Variants in PTPRD observed in about 807,000 individuals in gnomAD.
PTPRD encodes the protein receptor-type tyrosine-protein phosphatase delta.
In PTPRD, 34 loss-of-function variants were observed where a neutral mutation model predicts 214.5. The ratio of observed to expected loss-of-function variants is 0.16; its 90% CI spans 0.12 to 0.21. The LOEUF (loss-of-function observed/expected upper bound fraction) is 0.21. Among genes scored for constraint, PTPRD ranks in the 10% least tolerant of loss-of-function variants. The pLI is 1.00. For synonymous variants in PTPRD, 1,128 were observed against 845.7 expected, an observed-to-expected ratio of 1.33 and a Z score of -5.79; for missense variants, 2,545 against 2,398.7, an observed-to-expected ratio of 1.06 and a Z score of -1.27.
chr9:9,563,104 G>A (rs1591658564), intron 8 of PTPRD, among the ~76,000 whole-genome samples: 1 of 152,112 alleles, frequency 6.6e-6, no homozygotes, highest in East Asian at 1.9e-4. Flanking sequence ...TTTATTATAA[G>A]AAATATATAA....
intron 10 of PTPRD, among the ~76,000 whole-genome samples, chr9:9,087,878 CTTTTTTTTTTTTTT>C (rs59824704): frequency 2.9e-5 from 2 of 68,642 alleles, no homozygotes; most frequent in East Asian, 5.2e-4. Flanking sequence ...GCCCTAAACT[CTTTTTTTTTTTTTT>C]TTTTTTTTTT....
intron 14 of PTPRD, among the ~76,000 whole-genome samples, chr9:8,550,400 C>T (rs2081676302): frequency 6.6e-6 from 1 of 152,180 alleles, no homozygotes; most frequent in Non-Finnish European, 1.5e-5. Flanking sequence ...GCTGCCACTA[C>T]TGCTACTACT....
chr9:8,926,304 A>G (rs908165779), intron 11 of PTPRD, among the ~76,000 whole-genome samples: 4 of 152,170 alleles, frequency 2.6e-5, no homozygotes, highest in African/African-American at 9.7e-5. Flanking sequence ...TAGGTTGCCT[A>G]TTACACAATC....
chr9:9,832,584 G>C (rs1254190500), intron 5 of PTPRD, among the ~76,000 whole-genome samples: 2 of 151,952 alleles, frequency 1.3e-5, no homozygotes, highest in Non-Finnish European at 2.9e-5. Context: ...CATACTTCTA[G>C]GGTAATTTAG....
intron 7 of PTPRD, among the ~76,000 whole-genome samples, chr9:9,720,451 T>C (rs1160205090): frequency 3.3e-5 from 5 of 152,184 alleles, no homozygotes; most frequent in Admixed American, 3.3e-4. Context: ...TACATTCTTA[T>C]TTACTTAAGG....
intron 3 of PTPRD, among the ~76,000 whole-genome samples, chr9:10,065,565 G>C (rs994123180): frequency 2.6e-5 from 4 of 151,718 alleles, no homozygotes; most frequent in Non-Finnish European, 5.9e-5. Flanking sequence ...TTTTTGGTCT[G>C]ATACATTTGT....
At chr9:10,090,345 A>G (rs1414730078) in intron 3 of PTPRD, among the ~76,000 whole-genome samples, 1 of 151,582 alleles carries the variant, frequency 6.6e-6, no homozygotes, top group East Asian at 1.9e-4. Flanking sequence ...GTCATTCAGT[A>G]GAATTTGATC....
intron 11 of PTPRD, among the ~76,000 whole-genome samples, chr9:8,976,103 C>A (rs1442581586): frequency 1.3e-5 from 2 of 151,952 alleles, no homozygotes; most frequent in Non-Finnish European, 2.9e-5. Context: ...CTAATAAATG[C>A]AGGATTTACG....
intron 11 of PTPRD, among the ~76,000 whole-genome samples, chr9:8,779,137 G>C (rs961010751): frequency 2.0e-5 from 3 of 152,196 alleles, no homozygotes; most frequent in African/African-American, 7.2e-5. Context: ...CTGATGGAAA[G>C]ACAGTATACC....
At chr9:8,920,661 A>T (rs959123419) in intron 11 of PTPRD, among the ~76,000 whole-genome samples, 2 of 152,228 alleles carry the variant, frequency 1.3e-5, no homozygotes, top group African/African-American at 4.8e-5. Context: ...ATTCAAAGCC[A>T]TCCTAGACCA....
intron 9 of PTPRD, among the ~76,000 whole-genome samples, chr9:9,275,083 ATATATATGT>A: frequency 1.4e-5 from 1 of 71,536 alleles, no homozygotes; most frequent in Admixed American, 2.3e-4. Flanking sequence ...TATATATATA[ATATATATGT>A]TATATATATA....
At chr9:8,558,203 C>T (rs543118647) in intron 14 of PTPRD, among the ~76,000 whole-genome samples, 3 of 152,298 alleles carry the variant, frequency 2.0e-5, no homozygotes, top group East Asian at 3.9e-4. Flanking sequence ...GGATTTCCTC[C>T]AGGATCATTA....
intron 11 of PTPRD, among the ~76,000 whole-genome samples, chr9:8,992,150 T>C (rs2099373551): frequency 6.6e-6 from 1 of 152,104 alleles, no homozygotes; most frequent in African/African-American, 2.4e-5. Flanking sequence ...ACAAATTTGC[T>C]GGTGGAAATA....
At chr9:8,974,752 G>A (rs1437548593) in intron 11 of PTPRD, among the ~76,000 whole-genome samples, 1 of 151,974 alleles carries the variant, frequency 6.6e-6, no homozygotes, top group East Asian at 1.9e-4. Context: ...TATACTATTA[G>A]TATATAATAG....
At chr9:9,035,735 T>C (rs2099619629) in intron 10 of PTPRD, among the ~76,000 whole-genome samples, 1 of 152,166 alleles carries the variant, frequency 6.6e-6, no homozygotes, top group Non-Finnish European at 1.5e-5. Context: ...TATATTTGCT[T>C]GGCTATATAA....
At chr9:9,192,832 G>A (rs1593266469) in intron 9 of PTPRD, among the ~76,000 whole-genome samples, 1 of 152,074 alleles carries the variant, frequency 6.6e-6, no homozygotes, top group Non-Finnish European at 1.5e-5. Context: ...ATAAATATCA[G>A]AGACTGCAGA....
Position 10,060,890 on chromosome 9 carries a change from TTCC to T in PTPRD, c.-544-27103_-544-27101del, listed in dbSNP as rs2097760837. Among the ~76,000 whole-genome samples the T allele has an allele frequency of 3.4e-5, 3 of 89,140 alleles. 1 individual carries two copies. The highest frequency in any genetic ancestry group is 2.6e-4 in the African/African-American group (2 of 7,692). The allele number at this position is 89,140 out of a possible 152,430, so 58.5% of individuals were successfully genotyped here. ...CTTCTTTCCTTCCTTCCTTCCTTCC[TTCC>T]TTCCTTCTTTCTTTCTTTCTTTCTT... On this transcript the variant is annotated intron_variant, in intron 3 of 45. Transcript: ENST00000381196.
intron 2 of PTPRD, among the ~76,000 whole-genome samples, chr9:10,569,767 T>C (rs1442430365): frequency 6.6e-6 from 1 of 152,134 alleles, no homozygotes; most frequent in Non-Finnish European, 1.5e-5. Flanking sequence ...CACAATTCAA[T>C]AGGTAAATTA....
chr9:10,029,269 A>AT (rs1173478440), intron 4 of PTPRD, among the ~76,000 whole-genome samples: 2 of 152,150 alleles, frequency 1.3e-5, no homozygotes, highest in Non-Finnish European at 2.9e-5. Flanking sequence ...TGGAAGGGAA[A>AT]TGTGGGGTTG....
Sources: gnomAD v4.1 joint callset for allele counts (sites outside exome capture counted in the v4.1 genomes callset) on GRCh38, gnomAD v4.1.1 for gene constraint, MANE v1.5 for transcripts, NCBI Gene and HGNC (gene_info 2026-07-23, HGNC 2026-07-21) for gene names.